GJD4: variants seen among roughly 807,000 people sequenced by gnomAD.
GJD4 encodes the protein gap junction protein delta 4.
In GJD4, 18 loss-of-function variants were observed where a neutral mutation model predicts 17.9. That is an observed-to-expected ratio of 1.00 (90% CI 0.69 to 1.49). GJD4 has a LOEUF of 1.49. Among genes scored for constraint, GJD4 ranks in the 40% most tolerant of loss-of-function variants. The pLI is 0.00. For missense variants in GJD4, 639 were observed against 506.9 expected (o/e 1.26, Z -2.50); for synonymous variants, 293 against 236.8 (o/e 1.24, Z -2.18).
rs745537715 is a variant in GJD4 at position 35,607,652 on chromosome 10, G to A, written c.139G>A (p.Asp47Asn). ...CTTGGCGGGGCGACCCGTCTACCAG[G>A]ACGAGCAGGAGAGGTTTGTCTGCAA... ...IVLAGRPVYQ[D>N]EQERFVCNTL... Residue 47 changes from aspartate (D) to asparagine (N), a missense_variant, in exon 2 of 2, where the codon GAC becomes AAC. Transcript: ENST00000321660. 1.2e-6 allele frequency: 2 copies of A among 1,614,202 alleles called. No homozygotes were observed. The highest frequency in any genetic ancestry group is 1.6e-4 in the Middle Eastern group (1 of 6,062).
rs538629092 is a variant in GJD4, at chr10:35,608,199, G to T, written c.686G>T (p.Gly229Val). ...SLRRRMRRRP[G>V]PPTSPSIRKQ... is the part of the protein sequence containing the mutation. ...CGGCGGCGGATGCGCAGGAGGCCGG[G>T]ACCCCCCACAAGCCCCTCCATCCGG... Residue 229 changes from glycine to valine, a missense_variant, in exon 2 of 2, where the codon GGA becomes GTA. By Grantham distance (109) the Gly-to-Val change is moderately radical. Coordinates refer to ENST00000321660, the MANE Select transcript of GJD4 (RefSeq NM_153368.3). 7.5e-6 allele frequency: 12 copies of T among 1,590,362 alleles called. No homozygotes were observed. In the East Asian group the frequency reaches 9.1e-5, roughly 12 times the overall value.
chr10:35,606,512 A>G (rs1835455926), intron 1 of GJD4: 1 of 152,252 alleles, frequency 6.6e-6, no homozygotes, highest in African/African-American at 2.4e-5. Flanking sequence ...TATGCCGGAG[A>G]TGCAGTTGAT....
chr10:35,605,771 G>T, intron 1 of GJD4, 140 bp downstream of exon 1: 2 of 674,494 alleles, frequency 3.0e-6, no homozygotes, highest in Non-Finnish European at 2.6e-6. Context: ...ACTCCCAAAA[G>T]AAAGGGCTGT....
rs1835441509 is a variant in GJD4, at chr10:35,605,346, C to G, written c.-222C>G. 1 of 597,650 alleles carries G rather than the reference C, an allele frequency of 1.7e-6. No homozygotes were observed. The highest frequency in any genetic ancestry group is 1.9e-5 in the African/African-American group (1 of 53,714). The allele number at this position is 597,650 out of a possible 1,614,324, so 37.0% of individuals were successfully genotyped here. On this transcript the variant is annotated 5_prime_UTR_variant, in exon 1 of 2. Transcript: ENST00000321660. ...TGACTGCTGCTTGCTCTGCTGGTCA[C>G]TGCAGTTGTCAGGAATGTTTCGCCT...
chr10:35,607,669 T>C lies in GJD4; in HGVS notation c.156T>C (p.Phe52=), dbSNP rs1330222656. The change falls in exon 2 of 2, where the codon TTT becomes TTC. Residue 52 remains phenylalanine, a synonymous_variant. Coordinates refer to ENST00000321660, the MANE Select transcript of GJD4 (RefSeq NM_153368.3). ...RPVYQDEQER[F]VCNTLQPGCA... is the part of the protein sequence containing the mutation. Reference sequence around the variant, plus strand: ...TCTACCAGGACGAGCAGGAGAGGTTTGTCTGCAACACGCTGCAGCCGGGAT... The same window carrying C: ...TCTACCAGGACGAGCAGGAGAGGTTCGTCTGCAACACGCTGCAGCCGGGAT... 22 of 1,614,062 alleles carry C rather than the reference T, an allele frequency of 1.4e-5. No homozygotes were observed. The highest frequency in any genetic ancestry group is 1.9e-5 in the Non-Finnish European group (22 of 1,180,028).
chr10:35,605,418 C>A lies in GJD4; in HGVS notation c.-150C>A. 1.4e-6 allele frequency: 1 copy of A among 693,762 alleles called. No individual in the cohort carries two copies. 43.0% of individuals were successfully genotyped at this position (693,762 alleles called of 1,614,324 possible). A position where few individuals can be genotyped will look rare whatever the true frequency, so the allele number is the denominator to read the frequency against. On this transcript the variant is annotated 5_prime_UTR_variant, in exon 1 of 2. Transcript: ENST00000321660. ...CGTCTCAACTTGGAGACAGAAAAAC[C>A]CACCTCCTACTCCTGGCTCAGACCT...
rs1262061837 is a variant in GJD4 at position 35,607,966 on chromosome 10, C to T, written c.453C>T (p.Thr151=). ...ACATCATCCACCTCCTCCTCCGGACCCTGCTGGAGGCAGCCTTCGGGGCCT... is the reference window on the plus strand; with the variant it reads ...ACATCATCCACCTCCTCCTCCGGACTCTGCTGGAGGCAGCCTTCGGGGCCT... ...AGYIIHLLLR[T]LLEAAFGALH... Residue 151 remains threonine, a synonymous_variant, in exon 2 of 2, where the codon ACC becomes ACT. Transcript: ENST00000321660. 2 of 1,611,444 alleles carry T rather than the reference C, an allele frequency of 1.2e-6. No homozygotes were observed. The highest frequency in any genetic ancestry group is 1.7e-6 in the Non-Finnish European group (2 of 1,179,518).
rs529933444 is a variant in GJD4, at chr10:35,608,190, G to C, written c.677G>C (p.Arg226Thr). Residue 226 changes from arginine to threonine, a missense_variant, in exon 2 of 2, where the codon AGG becomes ACG. Transcript: ENST00000321660. The part of the protein sequence containing the change: ...LVCSLRRRMR[R>T]RPGPPTSPSI... ...TGCAGCCTGCGGCGGCGGATGCGCA[G>C]GAGGCCGGGACCCCCCACAAGCCCC... The C allele has an allele frequency of 3.1e-6, 5 of 1,593,780 alleles. No homozygotes were observed. Among genetic ancestry groups the C allele is most frequent in the Non-Finnish European group, 2.6e-6 (3 of 1,174,676 alleles).
rs904680189 is a variant in GJD4, at chr10:35,608,766, C to G, written c.*140C>G. ...AGCCTGGACAACATAATGAGACCCT[C>G]GTCTCTACAAAATATCTAAAAATTA... is the stretch of plus-strand genomic sequence containing the variant. On this transcript the variant is annotated 3_prime_UTR_variant, in exon 2 of 2. Transcript: ENST00000321660. 4 of 595,106 alleles carry G rather than the reference C, an allele frequency of 6.7e-6. No individual in the cohort carries two copies. The highest frequency in any genetic ancestry group is 7.3e-5 in the Admixed American group (2 of 27,354). The allele number at this position is 595,106 out of a possible 1,614,324, so 36.9% of individuals were successfully genotyped here.
intron 1 of GJD4, 82 bp downstream of exon 1, chr10:35,605,713 G>T: frequency 9.1e-7 from 1 of 1,094,454 alleles, no homozygotes; most frequent in Admixed American, 1.8e-5. Context: ...AAAGGGTCCA[G>T]GTATTTACTC....
rs766949119 is a variant in GJD4, at chr10:35,608,200, AC to A, written c.693del (p.Thr232GlnfsTer67). Reference sequence around the variant, plus strand: ...GGCGGCGGATGCGCAGGAGGCCGGGACCCCCCACAAGCCCCTCCATCCGGAA... The same window carrying A: ...GGCGGCGGATGCGCAGGAGGCCGGGACCCCCACAAGCCCCTCCATCCGGAA... ...LRRRMRRRPG[P>X]PTSPSIRKQS... On this transcript the variant is annotated frameshift_variant, in exon 2 of 2. Coordinates refer to ENST00000321660, the MANE Select transcript of GJD4 (RefSeq NM_153368.3). LOFTEE classifies it high-confidence loss of function. The A allele has an allele frequency of 3.7e-5, 58 of 1,581,638 alleles. No homozygotes were observed. In the African/African-American group the frequency reaches 4.5e-4, roughly 12 times the overall value.
chr10:35,605,510 T>A lies in GJD4; in HGVS notation c.-58T>A. 1.5e-6 allele frequency: 2 copies of A among 1,344,472 alleles called. No individual in the cohort carries two copies. Among genetic ancestry groups the A allele is most frequent in the Non-Finnish European group, 2.1e-6 (2 of 934,102 alleles). 83.3% of individuals were successfully genotyped at this position (1,344,472 alleles called of 1,614,324 possible). A position where few individuals can be genotyped will look rare whatever the true frequency, so the allele number is the denominator to read the frequency against. On this transcript the variant is annotated 5_prime_UTR_variant, in exon 1 of 2. Transcript: ENST00000321660. ...GTTAAAGGACATTTATCCGCCTCCT[T>A]GGAGAACACAGCCCTCCAGTGTCTC...
Position 35,608,643 on chromosome 10 carries a change from C to G in GJD4, c.*17C>G. The G allele has an allele frequency of 1.4e-6, 2 of 1,455,908 alleles. No homozygotes were observed. Among genetic ancestry groups the G allele is most frequent in the Non-Finnish European group, 1.8e-6 (2 of 1,102,452 alleles). The allele number at this position is 1,455,908 out of a possible 1,614,324, so 90.2% of individuals were successfully genotyped here. A position where few individuals can be genotyped will look rare whatever the true frequency, so the allele number is the denominator to read the frequency against. On this transcript the variant is annotated 3_prime_UTR_variant, in exon 2 of 2. Coordinates refer to ENST00000321660, the MANE Select transcript of GJD4 (RefSeq NM_153368.3). ...TGGGTGTGAAAAAAACAGCACCTGG[C>G]GGTGCCCCGGGGCTCACGCCTGTAA... is the stretch of plus-strand genomic sequence containing the variant.
intron 1 of GJD4, chr10:35,606,797 C>CA (rs1476784848): frequency 1.3e-5 from 2 of 152,294 alleles, no homozygotes; most frequent in East Asian, 3.9e-4. Flanking sequence ...AGCTTGGTGT[C>CA]ATTCCTTCAC....
chr10:35,607,589 T>TTCG lies in GJD4; in HGVS notation c.79_81dup (p.Val27dup), dbSNP rs1835470634. On this transcript the variant is annotated inframe_insertion, in exon 2 of 2. Coordinates refer to ENST00000321660, the MANE Select transcript of GJD4 (RefSeq NM_153368.3). ...TTCCTCTCTTCCAGGAAAGCTCTGG[T>TTCG]TCGTCCTCACGATGCTGCTGCGGAT... 1.2e-6 allele frequency: 2 copies of TTCG among 1,613,956 alleles called. No homozygotes were observed. Among genetic ancestry groups the TTCG allele is most frequent in the Non-Finnish European group, 1.7e-6 (2 of 1,179,826 alleles).
intron 1 of GJD4, 30 bp from the exon 2 acceptor site, chr10:35,607,548 A>T: frequency 6.5e-7 from 1 of 1,528,354 alleles, no homozygotes; most frequent in East Asian, 2.3e-5. Flanking sequence ...ATTCGGGGTG[A>T]TGAGGCCATG....
At chr10:35,607,541 C>A in intron 1 of GJD4, 37 bp from the exon 2 acceptor site, 3 of 1,442,970 alleles carry the variant, frequency 2.1e-6, no homozygotes, top group African/African-American at 1.4e-5. Flanking sequence ...GCAGTGTATT[C>A]GGGGTGATGA....
In GJD4 at chr10:35,605,383, G is replaced by T; in HGVS notation, c.-185G>T. 9.5e-6 allele frequency: 6 copies of T among 633,652 alleles called. No individual in the cohort carries two copies. Among genetic ancestry groups the T allele is most frequent in the Non-Finnish European group, 1.7e-5 (6 of 354,548 alleles). The allele number at this position is 633,652 out of a possible 1,614,324, so 39.3% of individuals were successfully genotyped here. A position where few individuals can be genotyped will look rare whatever the true frequency, so the allele number is the denominator to read the frequency against. ...GGAATGTTTCGCCTCAGAGGCAAACGGCTTAGGGCCGTCTCAACTTGGAGA... is the reference window on the plus strand; with the variant it reads ...GGAATGTTTCGCCTCAGAGGCAAACTGCTTAGGGCCGTCTCAACTTGGAGA... On this transcript the variant is annotated 5_prime_UTR_variant, in exon 1 of 2. Transcript: ENST00000321660.
At chr10:35,607,395 G>C in intron 1 of GJD4, 183 bp from the exon 2 acceptor site, 1 of 607,438 alleles carries the variant, frequency 1.6e-6, no homozygotes, top group Non-Finnish European at 2.9e-6. Flanking sequence ...AGACCAGCCT[G>C]GGCAATATAG....
Sources: gnomAD v4.1 joint callset for allele counts on GRCh38, gnomAD v4.1.1 for gene constraint, MANE v1.5 for transcripts, NCBI Gene and HGNC (gene_info 2026-07-23, HGNC 2026-07-21) for gene names.